The following PTPRT variants were observed in gnomAD, a reference collection of about 807,000 sequenced individuals.
PTPRT encodes the protein protein tyrosine phosphatase receptor type T.
A neutral mutation model predicts 176.8 loss-of-function variants in PTPRT; 56 were observed. The observed-to-expected ratio is 0.32, with a 90% CI of 0.26 to 0.40. The LOEUF (loss-of-function observed/expected upper bound fraction) is 0.40, where lower values mean the gene tolerates loss of function less well. Among genes scored for constraint, PTPRT ranks in the 10% least tolerant of loss-of-function variants. The probability of loss-of-function intolerance (pLI) is 1.00; values close to 1 mark genes in which losing one functional copy is unlikely to be tolerated. For synonymous variants in PTPRT, 783 were observed against 739.0 expected (o/e 1.06, Z -0.96); for missense variants, 1,540 against 1,908.2 (o/e 0.81, Z 3.60).
At chr20:42,718,731 G>A (rs1157169964) in intron 6 of PTPRT, among the ~76,000 whole-genome samples, 2 of 152,112 alleles carry the variant, frequency 1.3e-5, no homozygotes, top group Non-Finnish European at 2.9e-5. Flanking sequence ...GAGTGAGACC[G>A]AGGAGGGCTT....
chr20:42,826,811 C>A (rs1230208322), intron 2 of PTPRT, among the ~76,000 whole-genome samples: 2 of 152,100 alleles, frequency 1.3e-5, no homozygotes, highest in Non-Finnish European at 2.9e-5. Context: ...TCAAGAGACC[C>A]ATCTCACATG....
chr20:43,110,438 G>A (rs1041788739), intron 1 of PTPRT, among the ~76,000 whole-genome samples: 5 of 152,274 alleles, frequency 3.3e-5, no homozygotes, highest in Admixed American at 3.3e-4. Flanking sequence ...GTTTTAAGGA[G>A]GAAAGTGACT....
intron 2 of PTPRT, among the ~76,000 whole-genome samples, chr20:42,861,525 G>T (rs2078660538): frequency 6.6e-6 from 1 of 151,726 alleles, no homozygotes; most frequent in South Asian, 2.1e-4. Context: ...GTTGCTTGTT[G>T]TGCTAGACAC....
intron 12 of PTPRT, among the ~76,000 whole-genome samples, chr20:42,294,188 G>A (rs1677135205): frequency 6.6e-6 from 1 of 152,112 alleles, no homozygotes; most frequent in African/African-American, 2.4e-5. Context: ...GAGAGTACAT[G>A]GCTGATCTAA....
chr20:42,883,732 CCATA>C (rs1173766367), intron 2 of PTPRT, among the ~76,000 whole-genome samples: 1 of 8,014 alleles, frequency 1.2e-4, no homozygotes, highest in Admixed American at 2.2e-3. Context: ...CCATACACCC[CCATA>C]CACTCTCACA....
chr20:42,916,885 C>A (rs1439934036), intron 1 of PTPRT, among the ~76,000 whole-genome samples: 1 of 152,092 alleles, frequency 6.6e-6, no homozygotes, highest in East Asian at 1.9e-4. Context: ...GAGTAGGTTG[C>A]AAAAATTTTC....
At chr20:42,332,221 T>G (rs1432014158) in intron 11 of PTPRT, among the ~76,000 whole-genome samples, 1 of 152,100 alleles carries the variant, frequency 6.6e-6, no homozygotes, top group East Asian at 1.9e-4. Context: ...TTTTTTTTCT[T>G]GTTTTTGAGA....
At chr20:42,563,877 T>C (rs1181871736) in intron 7 of PTPRT, among the ~76,000 whole-genome samples, 3 of 152,200 alleles carry the variant, frequency 2.0e-5, no homozygotes, top group African/African-American at 7.2e-5. Flanking sequence ...ACAAGAAAGA[T>C]TTCTTTTTCG....
intron 6 of PTPRT, among the ~76,000 whole-genome samples, chr20:42,724,539 C>T (rs776437172): frequency 7.2e-5 from 11 of 152,240 alleles, no homozygotes; most frequent in Non-Finnish European, 1.6e-4. Context: ...CCTCCCCTGC[C>T]CCTTGAGACC....
intron 6 of PTPRT, among the ~76,000 whole-genome samples, chr20:42,714,788 G>A (rs1232291663): frequency 1.3e-5 from 2 of 152,208 alleles, no homozygotes; most frequent in East Asian, 3.8e-4. Flanking sequence ...TGAGGAACCC[G>A]AATTAGAGTT....
intron 6 of PTPRT, among the ~76,000 whole-genome samples, chr20:42,743,463 T>G (rs1272876227): frequency 1.3e-5 from 2 of 152,226 alleles, no homozygotes; most frequent in Non-Finnish European, 2.9e-5. Context: ...CTAGGAACCT[T>G]GTGATTCTGC....
intron 1 of PTPRT, among the ~76,000 whole-genome samples, chr20:43,007,683 G>C (rs777210818): frequency 6.6e-6 from 1 of 152,192 alleles, no homozygotes; most frequent in Admixed American, 6.5e-5. Context: ...TCAGTTTGTT[G>C]ATGTGGCACA....
chr20:42,681,926 AAAAT>A (rs1250530751), intron 6 of PTPRT, among the ~76,000 whole-genome samples: 1 of 152,234 alleles, frequency 6.6e-6, no homozygotes, highest in Non-Finnish European at 1.5e-5. Flanking sequence ...ATGCAAAAGA[AAAAT>A]AAAAGAATGC....
intron 3 of PTPRT, among the ~76,000 whole-genome samples, chr20:42,790,807 G>C (rs1569158918): frequency 6.6e-6 from 1 of 152,008 alleles, no homozygotes; most frequent in Non-Finnish European, 1.5e-5. Flanking sequence ...TTCCCCAGAG[G>C]GTGATCTTTT....
At chr20:42,145,113 T>C (rs1289149489) in intron 17 of PTPRT, among the ~76,000 whole-genome samples, 1 of 152,178 alleles carries the variant, frequency 6.6e-6, no homozygotes, top group African/African-American at 2.4e-5. Flanking sequence ...TTGCAACAAC[T>C]CATACTCAAC....
Position 42,236,258 on chromosome 20 carries a change from T to C in PTPRT, c.2313A>G (p.Arg771=). 6.3e-7 allele frequency: 1 copy of C among 1,599,734 alleles called. No homozygotes were observed. The highest frequency in any genetic ancestry group is 8.6e-7 in the Non-Finnish European group (1 of 1,168,020). Reference sequence around the variant, plus strand: ...AATAGGAGTAGGAATAAGCATTTCTTCTATATATTGATGGGCAGTCAGATG... The same window carrying C: ...AATAGGAGTAGGAATAAGCATTTCTCCTATATATTGATGGGCAGTCAGATG... ...LLGVMLTIKR[R]RNAYSYSYYL... is the part of the protein sequence containing the mutation. The change falls in exon 15 of 31, where the codon AGA becomes AGG. Residue 771 remains arginine, a splice_region_variant and synonymous_variant. Coordinates refer to ENST00000373187, the MANE Select transcript of PTPRT (RefSeq NM_007050.6).
chr20:42,416,193 GAGA>G (rs766035360), intron 9 of PTPRT, among the ~76,000 whole-genome samples: 7 of 151,354 alleles, frequency 4.6e-5, no homozygotes, highest in Non-Finnish European at 7.3e-5. Context: ...ACACACAGAG[GAGA>G]AGGCCATGTG....
intron 7 of PTPRT, among the ~76,000 whole-genome samples, chr20:42,633,796 T>A (rs1439773677): frequency 4.9e-5 from 3 of 60,906 alleles, no homozygotes; most frequent in African/African-American, 1.8e-4. Context: ...TATATATATA[T>A]ATATATATAT....
chr20:42,627,080 G>T (rs892888769), intron 7 of PTPRT, among the ~76,000 whole-genome samples: 7 of 152,140 alleles, frequency 4.6e-5, no homozygotes, highest in Admixed American at 3.9e-4. Context: ...TGAAAGCAAT[G>T]CCCGGGATGA....
Sources: gnomAD v4.1 joint callset for allele counts (sites outside exome capture counted in the v4.1 genomes callset) on GRCh38, gnomAD v4.1.1 for gene constraint, MANE v1.5 for transcripts, NCBI Gene and HGNC (gene_info 2026-07-23, HGNC 2026-07-21) for gene names.